The following PRKG1 variants were observed in gnomAD, a reference collection of about 807,000 sequenced individuals.
PRKG1 encodes protein kinase cGMP-dependent 1.
Under a neutral mutation model 88.1 loss-of-function variants are expected in PRKG1, and 35 were observed. That is an observed-to-expected ratio of 0.40 (90% CI 0.30 to 0.53). The LOEUF is 0.53. Ranked by LOEUF, PRKG1 falls within the 20% of genes least tolerant of loss-of-function variation. The pLI is 0.59. For missense variants in PRKG1, 540 were observed against 839.8 expected (o/e 0.64, Z 4.41); for synonymous variants, 303 against 292.5 (o/e 1.04, Z -0.37).
chr10:51,093,801 T>TACACACACACACAC (rs57772981), intron 1 of PRKG1, among the ~76,000 whole-genome samples: 2 of 127,682 alleles, frequency 1.6e-5, no homozygotes, highest in African/African-American at 5.8e-5. Flanking sequence ...TATATATATA[T>TACACACACACACAC]ACACACACAC....
rs12572533 is a variant in PRKG1 at position 51,579,275 on chromosome 10, C to A, written c.592+111439C>A. ...GGGATTACAGGTGTGAGCCACCACA[C>A]CTGGCTGATTTTATTATTCATAATG... On this transcript the variant is annotated intron_variant, in intron 3 of 17. Transcript: ENST00000373980. Among the ~76,000 whole-genome samples, 8 of 152,048 alleles carry A rather than the reference C, an allele frequency of 5.3e-5. No homozygotes were observed. The East Asian group carries it at 1.5e-3, about 29-fold the overall frequency.
chr10:51,479,503 G>T (rs890372151), intron 3 of PRKG1, among the ~76,000 whole-genome samples: 1 of 151,780 alleles, frequency 6.6e-6, no homozygotes, highest in Admixed American at 6.6e-5. Flanking sequence ...GCTGGATTTT[G>T]TTTTCATTTT....
intron 7 of PRKG1, among the ~76,000 whole-genome samples, chr10:52,118,973 A>T (rs547636685): frequency 6.6e-6 from 1 of 152,270 alleles, no homozygotes; most frequent in Admixed American, 6.5e-5. Context: ...ATATGGTTTT[A>T]TACACATTTA....
At chr10:52,001,209 A>G (rs1286958436) in intron 5 of PRKG1, among the ~76,000 whole-genome samples, 3 of 151,940 alleles carry the variant, frequency 2.0e-5, no homozygotes, top group Non-Finnish European at 1.5e-5. Flanking sequence ...ATAATATTTC[A>G]TTGTGTATAA....
At chr10:51,047,017 C>T (rs767898501) in intron 1 of PRKG1, among the ~76,000 whole-genome samples, 6 of 152,232 alleles carry the variant, frequency 3.9e-5, no homozygotes, top group Non-Finnish European at 8.8e-5. Flanking sequence ...GGAATAACAA[C>T]GTAATATTCT....
At chr10:52,054,615 A>G in intron 6 of PRKG1, 54 bp downstream of exon 6, 1 of 1,444,396 alleles carries the variant, frequency 6.9e-7, no homozygotes. Context: ...GGGGTTGGTT[A>G]GTAACTCCAG....
At chr10:51,170,150 G>A (rs1414970622) in intron 2 of PRKG1, among the ~76,000 whole-genome samples, 5 of 151,936 alleles carry the variant, frequency 3.3e-5, no homozygotes, top group Admixed American at 6.6e-5. Flanking sequence ...TGTTCATTTC[G>A]TTTCTCCAAT....
intron 16 of PRKG1, 57 bp downstream of exon 16, chr10:52,289,050 C>CT: frequency 6.7e-7 from 1 of 1,496,320 alleles, no homozygotes; most frequent in Non-Finnish European, 9.2e-7. Context: ...CAGGGTGTTG[C>CT]TTTTTAAGTT....
chr10:51,578,305 T>G (rs1236849544), intron 3 of PRKG1, among the ~76,000 whole-genome samples: 1 of 152,182 alleles, frequency 6.6e-6, no homozygotes, highest in Non-Finnish European at 1.5e-5. Context: ...TTTTTAAATG[T>G]GATCATTTCC....
At chr10:52,073,038 A>G (rs1276875351) in intron 7 of PRKG1, among the ~76,000 whole-genome samples, 1 of 152,226 alleles carries the variant, frequency 6.6e-6, no homozygotes, top group Non-Finnish European at 1.5e-5. Flanking sequence ...TGGAAGCTCT[A>G]GGGAGGAATC....
chr10:51,143,819 T>C (rs763699728), intron 1 of PRKG1, among the ~76,000 whole-genome samples: 1 of 152,092 alleles, frequency 6.6e-6, no homozygotes, highest in Non-Finnish European at 1.5e-5. Context: ...ATTGGGTTAT[T>C]TGGGTTTTTT....
intron 1 of PRKG1, among the ~76,000 whole-genome samples, chr10:51,115,086 C>T (rs1466087469): frequency 1.3e-5 from 2 of 151,530 alleles, no homozygotes; most frequent in African/African-American, 2.4e-5. Flanking sequence ...GAGGCTGAGG[C>T]GGGCAGATCA....
Position 52,293,867 on chromosome 10 carries a change from T to G in PRKG1, c.2028T>G (p.Pro676=). ...SFPEDNDEPP[P]DDNSGWDIDF is the part of the protein sequence containing the mutation. ...CTGAGGACAACGATGAACCACCACC[T>G]GATGACAACTCAGGATGGGATATAG... The change falls in exon 18 of 18, where the codon CCT becomes CCG. Residue 676 remains proline (P), a synonymous_variant. Transcript: ENST00000373980. The G allele has an allele frequency of 6.2e-7, 1 of 1,612,710 alleles. No homozygotes were observed. The highest frequency in any genetic ancestry group is 8.5e-7 in the Non-Finnish European group (1 of 1,178,922).
chr10:52,266,823 G>A (rs1159774119), intron 10 of PRKG1, among the ~76,000 whole-genome samples: 2 of 151,792 alleles, frequency 1.3e-5, no homozygotes, highest in Admixed American at 6.6e-5. Flanking sequence ...TTAGTCAAAT[G>A]TCACACTAGT....
intron 3 of PRKG1, among the ~76,000 whole-genome samples, chr10:51,782,939 A>G (rs1343231649): frequency 6.6e-6 from 1 of 152,114 alleles, no homozygotes; most frequent in East Asian, 1.9e-4. Flanking sequence ...GTATTCAGGT[A>G]GCCTAACTCT....
intron 4 of PRKG1, among the ~76,000 whole-genome samples, chr10:51,832,905 G>A (rs1840038419): frequency 1.3e-5 from 2 of 152,226 alleles, no homozygotes; most frequent in South Asian, 2.1e-4. Context: ...GTCTATCTGG[G>A]TTTAATGCTC....
chr10:51,587,695 T>C (rs1564562765), intron 3 of PRKG1, among the ~76,000 whole-genome samples: 2 of 152,164 alleles, frequency 1.3e-5, no homozygotes, highest in South Asian at 4.1e-4. Context: ...ATTGGCAGCA[T>C]AGTACAAGAG....
At chr10:51,374,093 A>AAAAAAAATATATATATATATATAT in intron 2 of PRKG1, among the ~76,000 whole-genome samples, 17 of 100,178 alleles carry the variant, frequency 1.7e-4, no homozygotes, top group African/African-American at 5.4e-4. Flanking sequence ...AAAAAAAAAA[A>AAAAAAAATATATATATATATATAT]ATATATATAT....
At chr10:51,791,323 G>A (rs1380593506) in intron 3 of PRKG1, among the ~76,000 whole-genome samples, 3 of 152,030 alleles carry the variant, frequency 2.0e-5, no homozygotes, top group Non-Finnish European at 4.4e-5. Flanking sequence ...ACATAGTAAG[G>A]TCTCAAAAAT....
Sources: allele counts gnomAD v4.1 joint callset (sites outside exome capture counted in the v4.1 genomes callset), GRCh38; gene constraint gnomAD v4.1.1; transcripts MANE v1.5; gene names NCBI Gene and HGNC (gene_info 2026-07-23, HGNC 2026-07-21).